AFG1L: variants seen among roughly 807,000 people sequenced by gnomAD.
AFG1L encodes the protein AFG1 like ATPase, also known as AFG1-like ATPase.
A neutral mutation model predicts 62.2 loss-of-function variants in AFG1L; 53 were observed. That is an observed-to-expected ratio of 0.85 (90% CI 0.68 to 1.07). AFG1L has a LOEUF of 1.07. Ranked by LOEUF, AFG1L falls within the 50% of genes least tolerant of loss-of-function variation. The pLI, the probability that AFG1L is intolerant of heterozygous loss-of-function variation, is 0.00. For missense variants in AFG1L, 555 were observed against 590.5 expected, an observed-to-expected ratio of 0.94 and a Z score of 0.62; for synonymous variants, 228 against 210.3, an observed-to-expected ratio of 1.08 and a Z score of -0.73.
At chr6:108,363,560 C>T (rs1779629563) in intron 5 of AFG1L, among the ~76,000 whole-genome samples, 1 of 151,664 alleles carries the variant, frequency 6.6e-6, no homozygotes, top group Non-Finnish European at 1.5e-5. Context: ...TTCATTATGT[C>T]CTCTTGGAAT....
intron 7 of AFG1L, among the ~76,000 whole-genome samples, chr6:108,411,405 G>A (rs1782105240): frequency 6.6e-6 from 1 of 152,184 alleles, no homozygotes. Flanking sequence ...CAGCTTTCAA[G>A]AGAGTAGGGG....
At chr6:108,490,484 A>G (rs575879337) in intron 10 of AFG1L, among the ~76,000 whole-genome samples, 30 of 152,370 alleles carry the variant, frequency 2.0e-4, no homozygotes, top group East Asian at 7.7e-4. Context: ...TTAATTACCT[A>G]ATCTTACTGC....
chr6:108,403,442 A>G (rs1434963892), intron 7 of AFG1L, among the ~76,000 whole-genome samples: 1 of 152,180 alleles, frequency 6.6e-6, no homozygotes, highest in Non-Finnish European at 1.5e-5. Context: ...AGGAGAATTC[A>G]AACATCTGTT....
rs533293402 is a variant in AFG1L at position 108,484,639 on chromosome 6, G to A, written c.1062+7347G>A. 2.6e-5 allele frequency among the ~76,000 whole-genome samples: 4 copies of A among 152,208 alleles called. No homozygotes were observed. In the East Asian group the frequency reaches 7.7e-4, roughly 29 times the overall value. On this transcript the variant is annotated intron_variant, in intron 10 of 12. Coordinates refer to ENST00000368977, the MANE Select transcript of AFG1L (RefSeq NM_145315.5). ...AAATATAGGACATGTTCAGATAGGTGCAAAATTTTACCATACACACCTAGA... is the reference window on the plus strand; with the variant it reads ...AAATATAGGACATGTTCAGATAGGTACAAAATTTTACCATACACACCTAGA...
chr6:108,503,423 C>T (rs1774278881), intron 10 of AFG1L, among the ~76,000 whole-genome samples: 1 of 152,186 alleles, frequency 6.6e-6, no homozygotes, highest in Admixed American at 6.5e-5. Flanking sequence ...TACAGTTCCA[C>T]CAGAGCTCTT....
chr6:108,510,885 TG>T (rs1344469625), intron 11 of AFG1L, among the ~76,000 whole-genome samples: 1 of 152,086 alleles, frequency 6.6e-6, no homozygotes. Context: ...AAGACCAGCC[TG>T]GACAACATAG....
intron 8 of AFG1L, among the ~76,000 whole-genome samples, chr6:108,465,611 G>A (rs1186595148): frequency 6.6e-6 from 1 of 151,972 alleles, no homozygotes; most frequent in Non-Finnish European, 1.5e-5. Flanking sequence ...CTTTTTAAAT[G>A]GTTTCACTAC....
At chr6:108,423,561 T>G (rs1208209710) in intron 7 of AFG1L, among the ~76,000 whole-genome samples, 2 of 152,082 alleles carry the variant, frequency 1.3e-5, no homozygotes, top group East Asian at 3.8e-4. Flanking sequence ...TTAGGGGTGC[T>G]TGGTACAAAA....
intron 10 of AFG1L, among the ~76,000 whole-genome samples, chr6:108,483,958 T>A (rs186741953): frequency 1.3e-5 from 2 of 152,364 alleles, no homozygotes; most frequent in Non-Finnish European, 2.9e-5. Context: ...TTGCTCTTTT[T>A]ATGCTTTATT....
chr6:108,321,727 C>G (rs958699890), intron 1 of AFG1L, among the ~76,000 whole-genome samples: 1 of 152,198 alleles, frequency 6.6e-6, no homozygotes, highest in African/African-American at 2.4e-5. Context: ...GAACCCAAAC[C>G]TTATCCTGGT....
intron 7 of AFG1L, among the ~76,000 whole-genome samples, chr6:108,422,486 A>AAAAAAATAAAAAAAAT (rs1770640939): frequency 6.8e-6 from 1 of 146,884 alleles, no homozygotes; most frequent in African/African-American, 2.5e-5. Context: ...GCAAAAAAAA[A>AAAAAAATAAAAAAAAT]AAAAAAAAAA....
At chr6:108,517,235 C>G (rs1033980220) in intron 11 of AFG1L, among the ~76,000 whole-genome samples, 5 of 152,192 alleles carry the variant, frequency 3.3e-5, no homozygotes, top group African/African-American at 1.2e-4. Flanking sequence ...AGGCATCACA[C>G]TACCTGACTT....
At chr6:108,320,615 T>A (rs1777780666) in intron 1 of AFG1L, among the ~76,000 whole-genome samples, 1 of 152,184 alleles carries the variant, frequency 6.6e-6, no homozygotes, top group Admixed American at 6.5e-5. Context: ...TGGCCATGAT[T>A]TTGAGCTTCT....
At chr6:108,494,760 T>TTTTTC (rs1039767266) in intron 10 of AFG1L, among the ~76,000 whole-genome samples, 1 of 151,934 alleles carries the variant, frequency 6.6e-6, no homozygotes, top group Non-Finnish European at 1.5e-5. Context: ...TTTCTTTCTT[T>TTTTTC]TTTTCTTTTC....
At chr6:108,435,186 AC>A (rs752258079) in intron 7 of AFG1L, among the ~76,000 whole-genome samples, 4 of 152,190 alleles carry the variant, frequency 2.6e-5, no homozygotes, top group Non-Finnish European at 4.4e-5. Context: ...GGGACACTAC[AC>A]ACATAACGAT....
At chr6:108,374,576 A>C (rs1780158957) in intron 6 of AFG1L, among the ~76,000 whole-genome samples, 1 of 152,154 alleles carries the variant, frequency 6.6e-6, no homozygotes, top group Non-Finnish European at 1.5e-5. Flanking sequence ...AGCATCATTT[A>C]TTGAATAGGG....
At chr6:108,395,728 T>A (rs1456200981) in intron 6 of AFG1L, among the ~76,000 whole-genome samples, 1 of 151,708 alleles carries the variant, frequency 6.6e-6, no homozygotes, top group Non-Finnish European at 1.5e-5. Flanking sequence ...TTTCATAAAA[T>A]TTTAAAAATC....
At chr6:108,386,436 A>G (rs1780765504) in intron 6 of AFG1L, among the ~76,000 whole-genome samples, 1 of 151,976 alleles carries the variant, frequency 6.6e-6, no homozygotes, top group Non-Finnish European at 1.5e-5. Context: ...ACTCCAGCTT[A>G]GACAACAAGA....
chr6:108,323,724 C>T (rs1777911982), intron 1 of AFG1L, 101 bp from the exon 2 acceptor site: 1 of 753,258 alleles, frequency 1.3e-6, no homozygotes, highest in Admixed American at 2.5e-5. Context: ...AATAGATATA[C>T]TTGTAACTAG....
Sources: gnomAD v4.1 joint callset for allele counts (sites outside exome capture counted in the v4.1 genomes callset) on GRCh38, gnomAD v4.1.1 for gene constraint, MANE v1.5 for transcripts, NCBI Gene and HGNC (gene_info 2026-07-23, HGNC 2026-07-21) for gene names.